Variants in KDM3B observed in about 807,000 individuals in gnomAD.
KDM3B encodes the protein lysine-specific demethylase 3B.
In KDM3B, 10 loss-of-function variants were observed where a neutral mutation model predicts 170.0. The ratio of observed to expected loss-of-function variants is 0.06; its 90% CI spans 0.04 to 0.10. The LOEUF (loss-of-function observed/expected upper bound fraction) is 0.10. Ranked by LOEUF, KDM3B falls within the 10% of genes least tolerant of loss-of-function variation. The pLI, the probability that KDM3B is intolerant of heterozygous loss-of-function variation, is 1.00. For synonymous variants in KDM3B, 831 were observed against 834.8 expected (o/e 1.00, Z 0.08); for missense variants, 1,394 against 2,195.2 (o/e 0.64, Z 7.29).
At position 138,420,794 on chromosome 5, in the gene KDM3B, G is replaced by A. The variant is rs751194137; in HGVS notation, c.3804G>A (p.Pro1268=). Residue 1268 remains proline (P), a synonymous_variant, in exon 15 of 24, where the codon CCG becomes CCA. Coordinates refer to ENST00000314358, the MANE Select transcript of KDM3B (RefSeq NM_016604.4). ...DSFNSTAKVS[P]LTPKLFNSLL... ...TCAACTCCACTGCAAAGGTCTCTCC[G>A]CTGACTCCAAAGCTTTTTAACAGTC... 8.7e-6 allele frequency: 14 copies of A among 1,613,920 alleles called. No individual in the cohort carries two copies. Among genetic ancestry groups the A allele is most frequent in the South Asian group, 2.2e-5 (2 of 91,080 alleles).
At chr5:138,401,886 C>G (rs747687787) in intron 11 of KDM3B, among the ~76,000 whole-genome samples, 3 of 151,780 alleles carry the variant, frequency 2.0e-5, no homozygotes, top group Non-Finnish European at 4.4e-5. Context: ...TGTTGAGTAT[C>G]TTTCCATGTG....
chr5:138,420,118 C>T lies in KDM3B; in HGVS notation c.3716-588C>T, dbSNP rs191582227. Among the ~76,000 whole-genome samples the T allele has an allele frequency of 2.1e-4, 32 of 152,282 alleles. No homozygotes were observed. In the East Asian group the frequency reaches 2.7e-3, roughly 13 times the overall value. ...GGTCAGGCTGGTCTCAAACTCCCGA[C>T]CTCAAGTGATACACCTGCCTCGGCC... On this transcript the variant is annotated intron_variant, in intron 14 of 23. Transcript: ENST00000314358.
At chr5:138,384,917 A>C (rs1245846376) in intron 6 of KDM3B, among the ~76,000 whole-genome samples, 5 of 142,624 alleles carry the variant, frequency 3.5e-5, no homozygotes, top group African/African-American at 1.3e-4. Context: ...CCATCTCAGG[A>C]AAAAAAAAAA....
chr5:138,435,821 T>C lies in KDM3B; in HGVS notation c.*121T>C. 1.4e-6 allele frequency: 1 copy of C among 724,840 alleles called. No homozygotes were observed. The allele number at this position is 724,840 out of a possible 1,614,324, so 44.9% of individuals were successfully genotyped here. A position where few individuals can be genotyped will look rare whatever the true frequency, so the allele number is the denominator to read the frequency against. On this transcript the variant is annotated 3_prime_UTR_variant, in exon 24 of 24. Transcript: ENST00000314358. Reference sequence around the variant, plus strand: ...CACCCAGAGCCAGTGTGGTCAGTATTCCAAACTCTCCAGCCACTCTCTTCT... The same window carrying C: ...CACCCAGAGCCAGTGTGGTCAGTATCCCAAACTCTCCAGCCACTCTCTTCT...
chr5:138,400,896 CT>C (rs554180552), intron 11 of KDM3B, among the ~76,000 whole-genome samples: 343 of 146,642 alleles, frequency 2.3e-3, no homozygotes, highest in African/African-American at 6.5e-3. Context: ...ACTTTTTTCT[CT>C]TTTTTTTTTT....
At chr5:138,433,863 C>T (rs905523943) in intron 23 of KDM3B, among the ~76,000 whole-genome samples, 7 of 151,900 alleles carry the variant, frequency 4.6e-5, no homozygotes, top group Non-Finnish European at 1.0e-4. Flanking sequence ...CTCAGCCTCC[C>T]GAGTATCTGG....
At chr5:138,393,098 C>G in intron 8 of KDM3B, 73 bp from the exon 9 acceptor site, 1 of 1,399,206 alleles carries the variant, frequency 7.1e-7, no homozygotes, top group Non-Finnish European at 1.0e-6. Flanking sequence ...AAATGTCTGT[C>G]CCCAAAAGAA....
chr5:138,406,896 T>TA lies in KDM3B; in HGVS notation c.3199+6893dup, dbSNP rs201881378. Among the ~76,000 whole-genome samples, 1,276 of 137,992 alleles carry TA rather than the reference T, an allele frequency of 9.2e-3. 4 individuals are homozygous for TA. The highest frequency in any genetic ancestry group is 0.023 in the Middle Eastern group (6 of 266). The allele number at this position is 137,992 out of a possible 152,430, so 90.5% of individuals were successfully genotyped here. Reference sequence around the variant, plus strand: ...TAGTGAGACCCTATCTCTTTAATAATAAAAAAAAAGAATGTGAGGACCTCA... The same window carrying TA: ...TAGTGAGACCCTATCTCTTTAATAATAAAAAAAAAAGAATGTGAGGACCTCA... On this transcript the variant is annotated intron_variant, in intron 11 of 23. Coordinates refer to ENST00000314358, the MANE Select transcript of KDM3B (RefSeq NM_016604.4).
Position 138,424,301 on chromosome 5 carries a change from A to G in KDM3B, c.4199A>G (p.Asn1400Ser). 1.2e-6 allele frequency: 2 copies of G among 1,614,172 alleles called. No individual in the cohort carries two copies. Among genetic ancestry groups the G allele is most frequent in the Non-Finnish European group, 1.7e-6 (2 of 1,180,030 alleles). Residue 1400 changes from asparagine (N) to serine (S), a missense_variant, in exon 16 of 24, where the codon AAC (asparagine) becomes AGC (serine). This residue lies in a region of KDM3B where 66 missense variants were observed against 178.8 expected (regional missense o/e 0.37). Coordinates refer to ENST00000314358, the MANE Select transcript of KDM3B (RefSeq NM_016604.4). ...LLCLHDPSNKNNWKIFRECWK... is the reference protein window; with the variant it reads ...LLCLHDPSNKSNWKIFRECWK... The stretch of plus-strand genomic sequence containing the variant: ...TGTCTCCATGACCCCAGCAACAAAA[A>G]CAATTGGAAGATCTTCCGGGAGTGT...
chr5:138,410,216 A>G (rs1037522118), intron 11 of KDM3B, among the ~76,000 whole-genome samples: 1 of 152,276 alleles, frequency 6.6e-6, no homozygotes, highest in Non-Finnish European at 1.5e-5. Flanking sequence ...GTAGAAATTG[A>G]CAAGGCGGTT....
At chr5:138,434,348 G>A (rs1299799087) in intron 23 of KDM3B, among the ~76,000 whole-genome samples, 1 of 151,992 alleles carries the variant, frequency 6.6e-6, no homozygotes, top group Non-Finnish European at 1.5e-5. Context: ...AGGAGTTCGA[G>A]ACCAGCCTGG....
chr5:138,406,877 G>C (rs187473317), intron 11 of KDM3B, among the ~76,000 whole-genome samples: 2 of 150,728 alleles, frequency 1.3e-5, no homozygotes, highest in African/African-American at 4.9e-5. Flanking sequence ...AACATAGTGA[G>C]ACCCTATCTC....
chr5:138,390,034 T>A (rs910447902), intron 7 of KDM3B, among the ~76,000 whole-genome samples: 16 of 152,036 alleles, frequency 1.1e-4, no homozygotes, highest in Non-Finnish European at 2.2e-4. Context: ...TCATTTTTTG[T>A]ATTTTTAGTA....
chr5:138,419,086 A>G lies in KDM3B; in HGVS notation c.3569A>G (p.Glu1190Gly). The change falls in exon 14 of 24, where the codon GAG (glutamate) becomes GGG (glycine). Residue 1190 changes from glutamate (E) to glycine (G), a missense_variant. Transcript: ENST00000314358. ...GACAGCACTGACATCAGATCTGAAG[A>G]GCCTCTGAAAACAGACAGTTCGGCA... is the stretch of plus-strand genomic sequence containing the variant. ...KADSTDIRSE[E>G]PLKTDSSASN... The G allele has an allele frequency of 6.2e-7, 1 of 1,614,236 alleles. No individual in the cohort carries two copies. Among genetic ancestry groups the G allele is most frequent in the Non-Finnish European group, 8.5e-7 (1 of 1,180,048 alleles).
chr5:138,419,740 C>G (rs1338357934), intron 14 of KDM3B, among the ~76,000 whole-genome samples: 7 of 105,282 alleles, frequency 6.6e-5, no homozygotes, highest in Non-Finnish European at 1.1e-4. Context: ...CACACACACA[C>G]ACACACACAC....
intron 1 of KDM3B, among the ~76,000 whole-genome samples, chr5:138,360,276 G>T (rs1052530727): frequency 6.6e-6 from 1 of 152,102 alleles, no homozygotes; most frequent in African/African-American, 2.4e-5. Context: ...TGATACTTAT[G>T]CTCTATTTAT....
At chr5:138,357,900 T>C (rs746726470) in intron 1 of KDM3B, among the ~76,000 whole-genome samples, 6 of 151,694 alleles carry the variant, frequency 4.0e-5, no homozygotes, top group Admixed American at 6.6e-5. Context: ...TTGGCCAGGC[T>C]GGTCTGGAAC....
chr5:138,433,833 G>A (rs1763601778), intron 23 of KDM3B, among the ~76,000 whole-genome samples: 1 of 151,988 alleles, frequency 6.6e-6, no homozygotes, highest in South Asian at 2.1e-4. Flanking sequence ...CTGCCTCCTG[G>A]GTTCAAGCGA....
chr5:138,356,817 T>A (rs1561752595), intron 1 of KDM3B, among the ~76,000 whole-genome samples: 1 of 151,846 alleles, frequency 6.6e-6, no homozygotes, highest in African/African-American at 2.4e-5. Flanking sequence ...TAATTTTTTG[T>A]ATTTTTAGTA....
Sources: allele counts gnomAD v4.1 joint callset (sites outside exome capture counted in the v4.1 genomes callset), GRCh38; gene constraint gnomAD v4.1.1; regional missense constraint gnomAD v4.1.1; transcripts MANE v1.5; gene names NCBI Gene and HGNC (gene_info 2026-07-23, HGNC 2026-07-21).